The following DDO variants were observed in gnomAD, a reference collection of about 807,000 sequenced individuals.
The protein encoded by DDO is D-aspartate oxidase, DDO.
A neutral mutation model predicts 16.8 loss-of-function variants in DDO; 16 were observed. That is an observed-to-expected ratio of 0.95 (90% CI 0.65 to 1.45). DDO has a LOEUF of 1.45. Among genes scored for constraint, DDO ranks in the 40% most tolerant of loss-of-function variants. The pLI, the probability that DDO is intolerant of heterozygous loss-of-function variation, is 0.00. For missense variants in DDO, 429 were observed against 420.3 expected (o/e 1.02, Z -0.18); for synonymous variants, 180 against 167.2 (o/e 1.08, Z -0.59).
chr6:110,397,788 A>G (rs1773336178), intron 4 of DDO, among the ~76,000 whole-genome samples: 1 of 152,050 alleles, frequency 6.6e-6, no homozygotes, highest in South Asian at 2.1e-4. Flanking sequence ...CCAGAGGAAA[A>G]CTCACTAAAT....
chr6:110,392,769 T>C lies in DDO; in HGVS notation c.*6A>G, dbSNP rs1267935633. ...TCTCAGTCTCTTTGCTGTCATTTTA[T>C]GTCATCTACAGGTTTGACTTGGGAA... On this transcript the variant is annotated 3_prime_UTR_variant, in exon 5 of 5. Transcript: ENST00000368924. The C allele has an allele frequency of 1.3e-6, 2 of 1,528,754 alleles. No homozygotes were observed. The highest frequency in any genetic ancestry group is 2.8e-5 in the African/African-American group (2 of 72,204). The allele number at this position is 1,528,754 out of a possible 1,614,324, so 94.7% of individuals were successfully genotyped here.
Position 110,392,200 on chromosome 6 carries a change from A to T in DDO, c.*575T>A. On this transcript the variant is annotated 3_prime_UTR_variant, in exon 5 of 5. Coordinates refer to ENST00000368924, the MANE Select transcript of DDO (RefSeq NM_001372108.2). ...CACTGTGTGAGCACAATGTAATTTT[A>T]TTTAGAGGAATTATGTTGCTGACTT... 1.0e-6 allele frequency: 1 copy of T among 985,448 alleles called. No homozygotes were observed. Among genetic ancestry groups the T allele is most frequent in the Non-Finnish European group, 1.2e-6 (1 of 829,934 alleles). 61.0% of individuals were successfully genotyped at this position (985,448 alleles called of 1,614,324 possible). A position where few individuals can be genotyped will look rare whatever the true frequency, so the allele number is the denominator to read the frequency against.
intron 4 of DDO, among the ~76,000 whole-genome samples, chr6:110,400,343 C>CGGCGG (rs1554220568): frequency 4.0e-5 from 5 of 126,442 alleles, no homozygotes; most frequent in African/African-American, 1.5e-4. Context: ...AGGAGCGGGC[C>CGGCGG]GGGGCGGGGA....
At chr6:110,403,297 A>G (rs535923949) in intron 4 of DDO, among the ~76,000 whole-genome samples, 5 of 152,240 alleles carry the variant, frequency 3.3e-5, no homozygotes, top group Admixed American at 2.6e-4. Flanking sequence ...TTATTAAGAT[A>G]AGTTATATGA....
At chr6:110,414,852 ACACAGAGGTT>A (rs1431901174) in intron 1 of DDO, among the ~76,000 whole-genome samples, 4 of 152,364 alleles carry the variant, frequency 2.6e-5, no homozygotes, top group Admixed American at 2.0e-4. Flanking sequence ...GGCCACCCAC[ACACAGAGGTT>A]CACCTTTCCT....
chr6:110,389,246 C>T (rs952732989), downstream of DDO, among the ~76,000 whole-genome samples: 1 of 152,234 alleles, frequency 6.6e-6, no homozygotes, highest in Non-Finnish European at 1.5e-5. Context: ...ACTTACTCCA[C>T]TGGCTCCTCT....
At chr6:110,405,960 T>C (rs9481062) in intron 3 of DDO, among the ~76,000 whole-genome samples, 2,040 of 152,294 alleles carry the variant, frequency 0.013, 47 homozygotes, top group African/African-American at 0.047. Context: ...ATCTGAGTGC[T>C]AAGCATAGTT....
At chr6:110,389,959 C>G (rs1220060154), downstream of DDO, among the ~76,000 whole-genome samples, 9 of 152,178 alleles carry the variant, frequency 5.9e-5, no homozygotes, top group Non-Finnish European at 8.8e-5. Context: ...TATATGTGGT[C>G]TAGCCATTGT....
At chr6:110,411,864 A>T (rs1194833565) in intron 2 of DDO, among the ~76,000 whole-genome samples, 1 of 151,820 alleles carries the variant, frequency 6.6e-6, no homozygotes, top group Non-Finnish European at 1.5e-5. Flanking sequence ...TCATTACTGC[A>T]GCGTGATTTT....
At chr6:110,391,042 C>G (rs1318636902), downstream of DDO, among the ~76,000 whole-genome samples, 1 of 152,188 alleles carries the variant, frequency 6.6e-6, no homozygotes, top group Non-Finnish European at 1.5e-5. Flanking sequence ...TGGTGGAAAT[C>G]TATAGAAAAG....
intron 3 of DDO, among the ~76,000 whole-genome samples, chr6:110,406,864 T>A (rs900725852): frequency 1.3e-5 from 2 of 152,220 alleles, no homozygotes; most frequent in Admixed American, 6.5e-5. Flanking sequence ...TCCAGACATA[T>A]GCTTCCATAG....
At position 110,392,422 on chromosome 6, in the gene DDO, A is replaced by G. The variant is rs1479468967; in HGVS notation, c.*353T>C. The G allele has an allele frequency of 9.9e-7, 1 of 1,010,434 alleles. No individual in the cohort carries two copies. Among genetic ancestry groups the G allele is most frequent in the Non-Finnish European group, 1.2e-6 (1 of 847,448 alleles). The allele number at this position is 1,010,434 out of a possible 1,614,324, so 62.6% of individuals were successfully genotyped here. ...TTACTCTATAAGAAGTATTTTTAAC[A>G]AAAAATAGAGCTTTATGCCCTATGC... On this transcript the variant is annotated 3_prime_UTR_variant, in exon 5 of 5. Coordinates refer to ENST00000368924, the MANE Select transcript of DDO (RefSeq NM_001372108.2).
intron 4 of DDO, among the ~76,000 whole-genome samples, chr6:110,401,826 G>A (rs1331499694): frequency 2.0e-5 from 3 of 152,112 alleles, no homozygotes; most frequent in African/African-American, 7.2e-5. Flanking sequence ...CATAGTTTCA[G>A]GTATATCACA....
chr6:110,392,210 A>C lies in DDO; in HGVS notation c.*565T>G, dbSNP rs193130616. The C allele has an allele frequency of 2.0e-6, 2 of 985,472 alleles. No homozygotes were observed. Among genetic ancestry groups the C allele is most frequent in the Admixed American group, 6.1e-5 (1 of 16,294 alleles). 61.0% of individuals were successfully genotyped at this position (985,472 alleles called of 1,614,324 possible). ...GCACAATGTAATTTTATTTAGAGGA[A>C]TTATGTTGCTGACTTGGCTATAACC... is the stretch of plus-strand genomic sequence containing the variant. On this transcript the variant is annotated 3_prime_UTR_variant, in exon 5 of 5. Transcript: ENST00000368924.
In DDO at chr6:110,393,234, C is replaced by T. The variant is rs150793707; in HGVS notation, c.567G>A (p.Gln189=). The change falls in exon 5 of 5, where the codon CAG becomes CAA. Residue 189 remains glutamine, a synonymous_variant. Coordinates refer to ENST00000368924, the MANE Select transcript of DDO (RefSeq NM_001372108.2). ...GGAAAATCTTTGAGTCTCCTGCAAGCTGTCTGCTTCCAAGGCCTGAACAGT... is the reference window on the plus strand; with the variant it reads ...GGAAAATCTTTGAGTCTCCTGCAAGTTGTCTGCTTCCAAGGCCTGAACAGT... ...VVNCSGLGSR[Q]LAGDSKIFPV... 6.2e-6 allele frequency: 10 copies of T among 1,614,122 alleles called. No homozygotes were observed. The highest frequency in any genetic ancestry group is 1.7e-5 in the Admixed American group (1 of 60,016).
downstream of DDO, among the ~76,000 whole-genome samples, chr6:110,389,508 T>A (rs187375378): frequency 6.6e-6 from 1 of 152,182 alleles, no homozygotes; most frequent in Admixed American, 6.5e-5. Flanking sequence ...AGTCAGCCCA[T>A]CACACTTACA....
At chr6:110,388,429 T>A (rs1270787190), downstream of DDO, among the ~76,000 whole-genome samples, 1 of 152,246 alleles carries the variant, frequency 6.6e-6, no homozygotes, top group Non-Finnish European at 1.5e-5. Context: ...CATCCTTTTC[T>A]TCCTTTTTTC....
chr6:110,400,422 AGGGCG>A (rs1266244899), intron 4 of DDO, among the ~76,000 whole-genome samples: 2 of 151,148 alleles, frequency 1.3e-5, no homozygotes, highest in Non-Finnish European at 2.9e-5. Flanking sequence ...CCCACGAGGC[AGGGCG>A]GCACCAGGCC....
intron 2 of DDO, among the ~76,000 whole-genome samples, chr6:110,411,888 T>C (rs1773868443): frequency 2.3e-5 from 3 of 130,108 alleles, no homozygotes. Flanking sequence ...TTCTATTTAA[T>C]GCTATTTTCT....
Sources: gnomAD v4.1 joint callset for allele counts (sites outside exome capture counted in the v4.1 genomes callset) on GRCh38, gnomAD v4.1.1 for gene constraint, MANE v1.5 for transcripts, NCBI Gene and HGNC (gene_info 2026-07-23, HGNC 2026-07-21) for gene names.